Variants in PACS2 observed in about 807,000 individuals in gnomAD.
PACS2 encodes the protein phosphofurin acidic cluster sorting protein 2, also known as PACS1-like protein.
A neutral mutation model predicts 113.0 loss-of-function variants in PACS2; 36 were observed. That is an observed-to-expected ratio of 0.32 (90% confidence interval 0.24 to 0.42). The LOEUF is 0.42. PACS2 is among the 10% of genes least tolerant of loss of function. The pLI is 1.00. For synonymous variants in PACS2, 589 were observed against 536.1 expected (o/e 1.10, Z -1.36); for missense variants, 1,015 against 1,239.5 (o/e 0.82, Z 2.72).
chr14:105,353,751 G>A (rs188442128), intron 3 of PACS2, among the ~76,000 whole-genome samples: 8 of 151,552 alleles, frequency 5.3e-5, no homozygotes, highest in Admixed American at 6.6e-5. Context: ...GTGCCACCAC[G>A]CCCGGCTATT....
At chr14:105,351,046 G>A (rs77739206) in intron 2 of PACS2, among the ~76,000 whole-genome samples, 2,073 of 152,278 alleles carry the variant, frequency 0.014, 47 homozygotes, top group African/African-American at 0.046. Flanking sequence ...GCTCCCACCC[G>A]AACCTGGGCT....
At position 105,348,597 on chromosome 14, in the gene PACS2, C is replaced by G. The variant is rs1442710445; in HGVS notation, c.207+17C>G. 5 of 1,581,148 alleles carry G rather than the reference C, an allele frequency of 3.2e-6. No individual in the cohort carries two copies. Among genetic ancestry groups the G allele is most frequent in the Non-Finnish European group, 4.3e-6 (5 of 1,152,492 alleles). The stretch of plus-strand genomic sequence containing the variant: ...AAGATGCAGGTGAGGCCGCTTGTGA[C>G]CCCGGCTGTGGCTGGGTGCTGTGTA... On this transcript the variant is annotated intron_variant, in intron 2 of 24. Transcript: ENST00000447393. The surrounding 1 kb of genome is among the most constrained non-coding windows in gnomAD (Gnocchi z 6.4).
intron 15 of PACS2, 162 bp downstream of exon 15, chr14:105,383,075 TCA>T: frequency 1.6e-6 from 1 of 629,588 alleles, no homozygotes; most frequent in Non-Finnish European, 2.8e-6. Context: ...TGGCCTCCCC[TCA>T]GTTGTGGGCG....
intron 1 of PACS2, among the ~76,000 whole-genome samples, chr14:105,320,305 C>T (rs2058839576): frequency 1.3e-5 from 2 of 152,104 alleles, no homozygotes; most frequent in African/African-American, 2.4e-5. Context: ...TTAACCTATT[C>T]CTGGAAAAAT....
chr14:105,342,230 C>G (rs1054824251), intron 1 of PACS2, among the ~76,000 whole-genome samples: 27 of 140,250 alleles, frequency 1.9e-4, no homozygotes, highest in African/African-American at 6.3e-4. Flanking sequence ...AAGCTGCTGC[C>G]TGTGTGTGTG....
intron 15 of PACS2, 150 bp from the exon 16 acceptor site, chr14:105,383,209 G>A (rs782067694): frequency 7.9e-6 from 7 of 880,822 alleles, no homozygotes; most frequent in Admixed American, 1.8e-5. Flanking sequence ...TGGGCATGTG[G>A]GGGTCCTGGG....
intron 1 of PACS2, among the ~76,000 whole-genome samples, chr14:105,303,024 G>A (rs1299002244): frequency 6.6e-6 from 1 of 151,740 alleles, no homozygotes; most frequent in African/African-American, 2.4e-5. Flanking sequence ...CACCTCCCAG[G>A]TTCAAGTGAT....
chr14:105,314,381 C>G (rs1415410864), upstream of PACS2: 1 of 151,006 alleles, frequency 6.6e-6, no homozygotes, highest in Admixed American at 6.6e-5. Context: ...ATGAGCTTTC[C>G]TTAGGGGGCG....
At chr14:105,391,512 T>TGCCCCCCCCC in intron 21 of PACS2, 119 bp from the exon 22 acceptor site, 2 of 611,328 alleles carry the variant, frequency 3.3e-6, no homozygotes, top group East Asian at 2.9e-5. Flanking sequence ...CACTGGGGAC[T>TGCCCCCCCCC]CCCACCCTGC....
chr14:105,394,482 G>C, intron 24 of PACS2, 72 bp from the exon 25 acceptor site: 1 of 1,592,320 alleles, frequency 6.3e-7, no homozygotes, highest in South Asian at 1.1e-5. Flanking sequence ...AGCCTGGTGG[G>C]CCAGGCAGGC....
intron 24 of PACS2, chr14:105,394,280 C>T (rs145411884): frequency 8.1e-6 from 8 of 985,356 alleles, no homozygotes; most frequent in Admixed American, 6.1e-5. Flanking sequence ...GGGGTCTGCT[C>T]CTTCCACCTG....
intron 21 of PACS2, 115 bp from the exon 22 acceptor site, chr14:105,391,516 A>T (rs1476421129): frequency 1.5e-5 from 7 of 454,654 alleles, no homozygotes; most frequent in Non-Finnish European, 2.9e-5. Context: ...GGGGACTCCC[A>T]CCCTGCCCAC....
chr14:105,387,558 G>A (rs1422552365), intron 19 of PACS2, among the ~76,000 whole-genome samples: 5 of 152,220 alleles, frequency 3.3e-5, no homozygotes, highest in African/African-American at 1.2e-4. Flanking sequence ...TGCCTCCAGG[G>A]TCAGGATGAG....
At position 105,387,336 on chromosome 14, in the gene PACS2, G is replaced by GAGGGC. The variant is rs587630429; in HGVS notation, c.2033+1623_2033+1627dup. Among the ~76,000 whole-genome samples, 32 of 152,346 alleles carry GAGGGC rather than the reference G, an allele frequency of 2.1e-4. 1 individual carries two copies. The East Asian group carries it at 6.2e-3, about 29-fold the overall frequency. On this transcript the variant is annotated intron_variant, in intron 19 of 24. Coordinates refer to ENST00000447393, the MANE Select transcript of PACS2 (RefSeq NM_001100913.3). ...CTGCCGAGAATGGCACTCCTCCTATGAGGGCAGGCCAGGCCTGGAGGGCGG... is the reference window on the plus strand; with the variant it reads ...CTGCCGAGAATGGCACTCCTCCTATGAGGGCAGGGCAGGCCAGGCCTGGAGGGCGG...
Position 105,376,650 on chromosome 14 carries a change from G to C in PACS2, c.802-118G>C, listed in dbSNP as rs1430718210. ...GGACTACAGCCGTGCTGAGTGGAGG[G>C]GTTTGGTGGCTGGGTGCCCGCCTCC... On this transcript the variant is annotated intron_variant, in intron 8 of 24. Transcript: ENST00000447393. The surrounding 1 kb of genome is among the most constrained non-coding windows in gnomAD (Gnocchi z 4.7). The C allele has an allele frequency of 2.4e-6, 2 of 848,416 alleles. No individual in the cohort carries two copies. The highest frequency in any genetic ancestry group is 1.7e-5 in the African/African-American group (1 of 58,502). The allele number at this position is 848,416 out of a possible 1,614,324, so 52.6% of individuals were successfully genotyped here.
At chr14:105,319,174 T>C (rs939910907) in intron 1 of PACS2, among the ~76,000 whole-genome samples, 6 of 137,392 alleles carry the variant, frequency 4.4e-5, no homozygotes, top group Non-Finnish European at 4.7e-5. Context: ...TCTCGATCTC[T>C]TGACCTCGTG....
At position 105,389,736 on chromosome 14, in the gene PACS2, G is replaced by C. The variant is rs587694979; in HGVS notation, c.2034-225G>C. The C allele has an allele frequency of 2.4e-4, 142 of 590,486 alleles. No homozygotes were observed. In the African/African-American group the frequency reaches 2.5e-3, roughly 10 times the overall value. The allele number at this position is 590,486 out of a possible 1,614,324, so 36.6% of individuals were successfully genotyped here. ...ACCCCTTTGTCCTTCCAGCATGTCA[G>C]CATGTCAGAAGGGGCCCAGGCGTTG... On this transcript the variant is annotated intron_variant, in intron 19 of 24. Coordinates refer to ENST00000447393, the MANE Select transcript of PACS2 (RefSeq NM_001100913.3).
At chr14:105,338,232 G>A (rs587623576) in intron 1 of PACS2, among the ~76,000 whole-genome samples, 1 of 152,316 alleles carries the variant, frequency 6.6e-6, no homozygotes, top group South Asian at 2.1e-4. Context: ...GGAGAGTGTT[G>A]GCTGCTCTCC....
chr14:105,310,617 G>A (rs1006516261), upstream of PACS2, among the ~76,000 whole-genome samples: 2 of 151,628 alleles, frequency 1.3e-5, no homozygotes, highest in African/African-American at 2.4e-5. Context: ...AGTTTGTTGC[G>A]TTGGGTGAGG....
Sources: gnomAD v4.1 joint callset for allele counts (sites outside exome capture counted in the v4.1 genomes callset) on GRCh38, gnomAD v4.1.1 for gene constraint, Gnocchi (gnomAD v3.1) non-coding constraint, MANE v1.5 for transcripts, NCBI Gene and HGNC (gene_info 2026-07-23, HGNC 2026-07-21) for gene names.